Variants in MAP4 observed in about 807,000 individuals in gnomAD.
MAP4 encodes the protein microtubule associated protein 4.
Under a neutral mutation model 170.2 loss-of-function variants are expected in MAP4, and 76 were observed. The observed-to-expected ratio is 0.45, with a 90% CI of 0.37 to 0.54. MAP4 has a LOEUF of 0.54. Ranked by LOEUF, MAP4 falls within the 20% of genes least tolerant of loss-of-function variation. The pLI is 0.00. For missense variants in MAP4, 2,506 were observed against 2,748.0 expected (o/e 0.91, Z 1.97); for synonymous variants, 909 against 994.5 (o/e 0.91, Z 1.62).
At chr3:47,961,991 G>A (rs1189033450) in intron 3 of MAP4, among the ~76,000 whole-genome samples, 1 of 152,104 alleles carries the variant, frequency 6.6e-6, no homozygotes, top group Admixed American at 6.5e-5. Context: ...AAGTAACCTC[G>A]AGTTGCCCTC....
intron 1 of MAP4, among the ~76,000 whole-genome samples, chr3:48,004,922 A>C (rs1468819418): frequency 2.0e-5 from 3 of 152,006 alleles, no homozygotes; most frequent in African/African-American, 7.2e-5. Context: ...GCCTCCTCTC[A>C]GGCAGTTGCC....
At position 48,051,886 on chromosome 3, in the gene MAP4, G is replaced by T. The variant is rs539160294; in HGVS notation, c.-20+36887C>A. Among the ~76,000 whole-genome samples, 7 of 152,216 alleles carry T rather than the reference G, an allele frequency of 4.6e-5. No individual in the cohort carries two copies. The South Asian group carries it at 1.2e-3, about 27-fold the overall frequency. ...CGACCATGTAAGATAATATCCTACT[G>T]CCAATGTGAGGGCTAAAAATTTGAT... On this transcript the variant is annotated intron_variant, in intron 1 of 18. Coordinates refer to the MAP4 transcript ENST00000360240.
At chr3:48,056,221 C>T (rs2100131398) in intron 1 of MAP4, among the ~76,000 whole-genome samples, 1 of 125,744 alleles carries the variant, frequency 8.0e-6, no homozygotes, top group Non-Finnish European at 1.8e-5. Flanking sequence ...GTGGGGGGGT[C>T]AGCCCCCCGC....
intron 10 of MAP4, among the ~76,000 whole-genome samples, chr3:47,894,053 A>C (rs909518140): frequency 2.0e-5 from 3 of 151,890 alleles, no homozygotes; most frequent in Admixed American, 6.6e-5. Flanking sequence ...CATGATGATG[A>C]GTGGCAATGT....
intron 1 of MAP4, among the ~76,000 whole-genome samples, chr3:48,063,033 G>A (rs150033180): frequency 2.6e-5 from 4 of 151,246 alleles, no homozygotes; most frequent in East Asian, 1.9e-4. Context: ...GCATATGAAC[G>A]AAAAGATGTT....
chr3:47,932,071 A>G (rs894056020), intron 3 of MAP4, among the ~76,000 whole-genome samples: 2 of 152,272 alleles, frequency 1.3e-5, no homozygotes, highest in East Asian at 1.9e-4. Flanking sequence ...AAGAAATCCC[A>G]TATCTTTTCT....
intron 3 of MAP4, among the ~76,000 whole-genome samples, chr3:47,944,454 T>C (rs778942354): frequency 1.3e-5 from 2 of 152,104 alleles, no homozygotes; most frequent in Non-Finnish European, 2.9e-5. Flanking sequence ...ATGACTGCTG[T>C]TTCCTCTACC....
intron 1 of MAP4, among the ~76,000 whole-genome samples, chr3:48,087,807 C>T (rs1223313958): frequency 6.6e-6 from 1 of 151,610 alleles, no homozygotes; most frequent in African/African-American, 2.4e-5. Flanking sequence ...GCTATGCAAC[C>T]AGGGAGAGAG....
At chr3:47,935,718 C>T (rs951676429) in intron 3 of MAP4, among the ~76,000 whole-genome samples, 47 of 151,294 alleles carry the variant, frequency 3.1e-4, no homozygotes, top group African/African-American at 1.1e-3. Context: ...GGGTGGATCA[C>T]CTAAGGTCAG....
At chr3:47,984,153 G>C (rs1237151605) in intron 2 of MAP4, among the ~76,000 whole-genome samples, 2 of 151,852 alleles carry the variant, frequency 1.3e-5, no homozygotes, top group African/African-American at 4.8e-5. Context: ...ACCACACCCA[G>C]TTAATTTTTT....
rs1171873952 is a variant in MAP4 at position 47,912,066 on chromosome 3, A to G, written c.2355T>C (p.Ala785=). ...PKQKRYSQPR[A]GGPSDDDNAD... ...CATTGTCATCATCCGAAGGTCCTCC[A>G]GCCCGTGGTTGAGAATATCTCTTTT... The change falls in exon 9 of 21, where the codon GCT becomes GCC. Residue 785 remains alanine (A), a synonymous_variant. Transcript: ENST00000683076. 3 of 1,536,076 alleles carry G rather than the reference A, an allele frequency of 2.0e-6. No homozygotes were observed. Among genetic ancestry groups the G allele is most frequent in the Non-Finnish European group, 2.6e-6 (3 of 1,146,930 alleles).
intron 1 of MAP4, among the ~76,000 whole-genome samples, chr3:48,074,531 T>G (rs1350410951): frequency 6.8e-6 from 1 of 146,538 alleles, no homozygotes; most frequent in African/African-American, 2.5e-5. Flanking sequence ...TTTTTTTTTT[T>G]GAGACAGAGG....
chr3:47,910,894 G>A lies in MAP4; in HGVS notation c.3527C>T (p.Thr1176Ile), dbSNP rs1466670152. Residue 1176 changes from threonine (T) to isoleucine (I), a missense_variant, in exon 9 of 21, where the codon ACA becomes ATA. Coordinates refer to ENST00000683076, the MANE Select transcript of MAP4 (RefSeq NM_001385682.1). ...MTQTSGVSTETGDVVKDMGVN... is the reference protein window; with the variant it reads ...MTQTSGVSTEIGDVVKDMGVN... Reference sequence around the variant, plus strand: ...ACCCATATCTTTGACTACATCTCCTGTTTCTGTGCTAACACCAGAAGTCTG... The same window carrying A: ...ACCCATATCTTTGACTACATCTCCTATTTCTGTGCTAACACCAGAAGTCTG... 8 of 1,535,920 alleles carry A rather than the reference G, an allele frequency of 5.2e-6. No homozygotes were observed. The highest frequency in any genetic ancestry group is 5.2e-6 in the Non-Finnish European group (6 of 1,146,894).
chr3:48,081,441 G>A (rs2100146652), intron 1 of MAP4, among the ~76,000 whole-genome samples: 1 of 151,876 alleles, frequency 6.6e-6, no homozygotes, highest in African/African-American at 2.4e-5. Context: ...CAATATTATA[G>A]GAGTATAATT....
chr3:47,926,035 T>C (rs2153749355), intron 4 of MAP4, among the ~76,000 whole-genome samples: 1 of 150,782 alleles, frequency 6.6e-6, no homozygotes. Context: ...TTTATATTTT[T>C]AGTAGAGATG....
intron 1 of MAP4, among the ~76,000 whole-genome samples, chr3:48,086,594 C>T (rs1411789567): frequency 1.3e-5 from 2 of 152,264 alleles, no homozygotes; most frequent in East Asian, 3.9e-4. Flanking sequence ...AGCCGAGATC[C>T]TGCCACTGTC....
chr3:47,865,742 G>A (rs1337383529), intron 17 of MAP4, among the ~76,000 whole-genome samples: 3 of 152,200 alleles, frequency 2.0e-5, no homozygotes, highest in Non-Finnish European at 4.4e-5. Flanking sequence ...AAGACAGGCT[G>A]TCTCACTTGG....
At chr3:47,983,742 C>G (rs2100086856) in intron 2 of MAP4, among the ~76,000 whole-genome samples, 2 of 152,136 alleles carry the variant, frequency 1.3e-5, no homozygotes, top group Non-Finnish European at 2.9e-5. Flanking sequence ...TGGTCTCAAA[C>G]TCCTGGGCTC....
intron 1 of MAP4, among the ~76,000 whole-genome samples, chr3:48,052,430 C>T (rs553541621): frequency 2.1e-4 from 32 of 152,198 alleles, no homozygotes; most frequent in Non-Finnish European, 1.5e-5. Flanking sequence ...CTATATCGGT[C>T]GGGCTGGTCT....
Sources: allele counts gnomAD v4.1 joint callset (sites outside exome capture counted in the v4.1 genomes callset), GRCh38; gene constraint gnomAD v4.1.1; transcripts MANE v1.5; gene names NCBI Gene and HGNC (gene_info 2026-07-23, HGNC 2026-07-21).